LIN28B: variants seen among roughly 807,000 people sequenced by gnomAD.
LIN28B encodes lin-28 RNA binding posttranscriptional regulator B.
Under a neutral mutation model 21.9 loss-of-function variants are expected in LIN28B, and 5 were observed. The observed-to-expected ratio is 0.23, with a 90% CI of 0.12 to 0.48. The LOEUF is 0.48. Among genes scored for constraint, LIN28B ranks in the 20% least tolerant of loss-of-function variants. The probability of loss-of-function intolerance (pLI) is 0.98; values close to 1 mark genes in which losing one functional copy is unlikely to be tolerated. For synonymous variants in LIN28B, 109 were observed against 111.3 expected, an observed-to-expected ratio of 0.98 and a Z score of 0.13; for missense variants, 245 against 310.5, an observed-to-expected ratio of 0.79 and a Z score of 1.58.
intron 3 of LIN28B, among the ~76,000 whole-genome samples, chr6:105,033,617 A>AT (rs1195926133): frequency 6.6e-6 from 1 of 151,922 alleles, no homozygotes; most frequent in African/African-American, 2.4e-5. Context: ...ATAATTTCTG[A>AT]TTTTTTTCTA....
At chr6:105,041,846 G>A (rs1227923594) in intron 3 of LIN28B, among the ~76,000 whole-genome samples, 1 of 151,988 alleles carries the variant, frequency 6.6e-6, no homozygotes, top group African/African-American at 2.4e-5. Flanking sequence ...ACAAACCTCT[G>A]GGTAATTTTG....
chr6:104,967,424 A>G (rs934179284), intron 2 of LIN28B, among the ~76,000 whole-genome samples: 1 of 151,676 alleles, frequency 6.6e-6, no homozygotes, highest in Non-Finnish European at 1.5e-5. Context: ...TCCTAAAAAT[A>G]CAAAAAATTA....
intron 2 of LIN28B, among the ~76,000 whole-genome samples, chr6:104,981,433 C>T (rs1394219874): frequency 1.3e-5 from 2 of 152,148 alleles, no homozygotes; most frequent in Non-Finnish European, 2.9e-5. Context: ...GAAAACTAAC[C>T]GGAAATTTCA....
intron 2 of LIN28B, among the ~76,000 whole-genome samples, chr6:104,941,841 G>C (rs1778099021): frequency 6.6e-6 from 1 of 152,186 alleles, no homozygotes. Context: ...GTGAAGATTT[G>C]TACTCCAAAA....
chr6:105,017,473 T>G (rs975976657), intron 2 of LIN28B, among the ~76,000 whole-genome samples: 7 of 152,204 alleles, frequency 4.6e-5, no homozygotes, highest in African/African-American at 1.4e-4. Context: ...TACTGAGCAT[T>G]GTTCTAGGCA....
At chr6:104,969,554 A>T (rs1327415658) in intron 2 of LIN28B, among the ~76,000 whole-genome samples, 1 of 152,180 alleles carries the variant, frequency 6.6e-6, no homozygotes, top group South Asian at 2.1e-4. Flanking sequence ...GGGACTCTCC[A>T]TGGGTTAATT....
intron 2 of LIN28B, among the ~76,000 whole-genome samples, chr6:104,979,020 A>G (rs953636735): frequency 1.3e-5 from 2 of 152,180 alleles, no homozygotes; most frequent in Admixed American, 6.5e-5. Flanking sequence ...GGGCCTAAAC[A>G]TTAGACATAA....
chr6:104,987,570 C>T (rs993854508), intron 2 of LIN28B, among the ~76,000 whole-genome samples: 36 of 152,158 alleles, frequency 2.4e-4, no homozygotes, highest in African/African-American at 8.4e-4. Flanking sequence ...AAGCAGTTCT[C>T]CTGCCTTGGC....
At chr6:105,048,617 T>C (rs965486817) in intron 3 of LIN28B, among the ~76,000 whole-genome samples, 1 of 152,210 alleles carries the variant, frequency 6.6e-6, no homozygotes, top group African/African-American at 2.4e-5. Flanking sequence ...GTACCTCTGG[T>C]AGAATTCAGC....
At chr6:105,059,031 C>A (rs1772076381) in intron 3 of LIN28B, among the ~76,000 whole-genome samples, 1 of 152,090 alleles carries the variant, frequency 6.6e-6, no homozygotes, top group African/African-American at 2.4e-5. Flanking sequence ...AAGTTTGATA[C>A]TGGCGCTATG....
At chr6:105,009,545 A>C (rs1247159819) in intron 2 of LIN28B, among the ~76,000 whole-genome samples, 2 of 152,034 alleles carry the variant, frequency 1.3e-5, no homozygotes, top group African/African-American at 4.8e-5. Flanking sequence ...AGAAGTTCCT[A>C]ATTTTTCTCA....
upstream of LIN28B, among the ~76,000 whole-genome samples, chr6:104,953,910 T>TA (rs1389963989): frequency 6.6e-6 from 1 of 152,212 alleles, no homozygotes; most frequent in Non-Finnish European, 1.5e-5. Flanking sequence ...TCATTCCTTA[T>TA]AATTGAAAAC....
At chr6:104,959,321 A>G (rs1250622452) in intron 2 of LIN28B, among the ~76,000 whole-genome samples, 1 of 152,240 alleles carries the variant, frequency 6.6e-6, no homozygotes, top group Non-Finnish European at 1.5e-5. Context: ...AAGGCTGTTA[A>G]TACTACAGAT....
intron 3 of LIN28B, among the ~76,000 whole-genome samples, chr6:105,061,428 G>C (rs1772119146): frequency 6.6e-6 from 1 of 152,018 alleles, no homozygotes; most frequent in Non-Finnish European, 1.5e-5. Flanking sequence ...TCATTATTGG[G>C]CTATTTAGTT....
intron 2 of LIN28B, among the ~76,000 whole-genome samples, chr6:105,000,824 T>C (rs539543648): frequency 2.0e-5 from 3 of 152,316 alleles, no homozygotes; most frequent in Admixed American, 2.0e-4. Context: ...ATTACTGTTA[T>C]GTACAGAAAG....
At chr6:104,960,536 CTA>C (rs1432555354) in intron 2 of LIN28B, among the ~76,000 whole-genome samples, 3 of 151,624 alleles carry the variant, frequency 2.0e-5, no homozygotes, top group Non-Finnish European at 4.4e-5. Context: ...TCAACTGGAC[CTA>C]TGTCTACTCA....
intron 2 of LIN28B, among the ~76,000 whole-genome samples, chr6:104,962,807 GATT>G (rs1224236185): frequency 6.6e-6 from 1 of 152,044 alleles, no homozygotes; most frequent in African/African-American, 2.4e-5. Flanking sequence ...GAATATGTGT[GATT>G]ATTGTTATTC....
chr6:104,992,413 A>C (rs553949860), intron 2 of LIN28B, among the ~76,000 whole-genome samples: 1 of 150,360 alleles, frequency 6.7e-6, no homozygotes, highest in Non-Finnish European at 1.5e-5. Flanking sequence ...CAACCTTGCT[A>C]TTTGTTTTCA....
chr6:105,078,829 A>G lies in LIN28B; in HGVS notation c.*46A>G, dbSNP rs1772484657. On this transcript the variant is annotated 3_prime_UTR_variant, in exon 4 of 4. Coordinates refer to ENST00000345080, the MANE Select transcript of LIN28B (RefSeq NM_001004317.4). The stretch of plus-strand genomic sequence containing the variant: ...TTTCCTTTACCCGGTTGCAAAGTCT[A>G]CCTCATGCAAGTATAGGGGAACAGT... 2 of 1,570,360 alleles carry G rather than the reference A, an allele frequency of 1.3e-6. No homozygotes were observed. Among genetic ancestry groups the G allele is most frequent in the East Asian group, 2.3e-5 (1 of 44,370 alleles).
Sources: allele counts gnomAD v4.1 joint callset (sites outside exome capture counted in the v4.1 genomes callset), GRCh38; gene constraint gnomAD v4.1.1; transcripts MANE v1.5; gene names NCBI Gene and HGNC (gene_info 2026-07-23, HGNC 2026-07-21).